CDH18: variants seen among roughly 807,000 people sequenced by gnomAD.
The protein encoded by CDH18 is cadherin 18, also known as cadherin-18.
A neutral mutation model predicts 67.9 loss-of-function variants in CDH18; 31 were observed. The observed-to-expected ratio is 0.46, with a 90% CI of 0.34 to 0.62. The LOEUF (loss-of-function observed/expected upper bound fraction) is 0.62, where lower values mean the gene tolerates loss of function less well. Ranked by LOEUF, CDH18 falls within the 20% of genes least tolerant of loss-of-function variation. CDH18 has a pLI of 0.01. For missense variants in CDH18, 890 were observed against 975.5 expected (o/e 0.91, Z 1.17); for synonymous variants, 362 against 347.2 (o/e 1.04, Z -0.48).
intron 11 of CDH18, among the ~76,000 whole-genome samples, chr5:19,493,435 C>T (rs1741793033): frequency 1.3e-5 from 2 of 151,946 alleles, no homozygotes; most frequent in South Asian, 4.1e-4. Context: ...GGCGTTCTTT[C>T]CAAGGAACAT....
At chr5:19,606,545 A>G (rs1053341323) in intron 6 of CDH18, among the ~76,000 whole-genome samples, 9 of 152,042 alleles carry the variant, frequency 5.9e-5, no homozygotes, top group Non-Finnish European at 8.8e-5. Context: ...AATATATTTA[A>G]TAGATGGGTT....
chr5:19,848,396 A>G (rs950688986), intron 2 of CDH18, among the ~76,000 whole-genome samples: 2 of 152,072 alleles, frequency 1.3e-5, no homozygotes, highest in Admixed American at 6.6e-5. Context: ...ACACTTTCCT[A>G]TCAGCTTAGA....
chr5:19,636,299 T>C (rs5001494), intron 5 of CDH18, among the ~76,000 whole-genome samples: 111,929 of 151,704 alleles, frequency 0.74, 41,537 homozygotes, highest in South Asian at 0.8. Flanking sequence ...TGCAAAGTGG[T>C]ATGGCTACCT....
chr5:20,266,262 G>GACTAAT (rs113509368), intron 1 of CDH18, among the ~76,000 whole-genome samples: 69,526 of 151,454 alleles, frequency 0.46, 16,037 homozygotes, highest in African/African-American at 0.52. Context: ...GAAGAACCCT[G>GACTAAT]ACACTAGAGA....
At chr5:20,323,389 T>C (rs1738222276) in intron 1 of CDH18, among the ~76,000 whole-genome samples, 1 of 152,174 alleles carries the variant, frequency 6.6e-6, no homozygotes, top group Non-Finnish European at 1.5e-5. Context: ...GTGACTGACA[T>C]AGCATTTGCC....
chr5:20,169,356 CT>C (rs1327677491), intron 2 of CDH18, among the ~76,000 whole-genome samples: 1 of 152,232 alleles, frequency 6.6e-6, no homozygotes, highest in East Asian at 1.9e-4. Flanking sequence ...TTTCTAAATT[CT>C]TTTGGTAGCA....
chr5:19,616,334 C>T (rs944529597), intron 5 of CDH18, among the ~76,000 whole-genome samples: 8 of 151,410 alleles, frequency 5.3e-5, no homozygotes, highest in South Asian at 2.1e-4. Context: ...ATTTTATGCA[C>T]GAAGCTACAT....
chr5:19,823,254 G>T (rs571804274), intron 3 of CDH18, among the ~76,000 whole-genome samples: 62 of 152,242 alleles, frequency 4.1e-4, no homozygotes, highest in South Asian at 8.3e-4. Context: ...ATCCTCCTCA[G>T]CTTACAAAAA....
intron 1 of CDH18, among the ~76,000 whole-genome samples, chr5:20,393,557 C>T (rs999153883): frequency 2.6e-5 from 4 of 151,854 alleles, no homozygotes; most frequent in African/African-American, 9.7e-5. Flanking sequence ...ATCTACAATA[C>T]AGTGTTAAGG....
intron 2 of CDH18, among the ~76,000 whole-genome samples, chr5:20,242,627 T>TAC (rs1561906021): frequency 1.3e-4 from 15 of 119,882 alleles, no homozygotes; most frequent in African/African-American, 3.8e-4. Flanking sequence ...TATATATATA[T>TAC]ATATATGTAT....
chr5:19,499,637 T>C (rs1474083126), intron 11 of CDH18, among the ~76,000 whole-genome samples: 3 of 152,152 alleles, frequency 2.0e-5, no homozygotes, highest in African/African-American at 7.2e-5. Flanking sequence ...AATATGTTAT[T>C]AATTTATTTC....
chr5:19,548,148 T>C (rs908737737), intron 8 of CDH18, among the ~76,000 whole-genome samples: 1 of 152,120 alleles, frequency 6.6e-6, no homozygotes, highest in Non-Finnish European at 1.5e-5. Flanking sequence ...CAATACTTTA[T>C]GAATGTATAT....
rs965197656 is a variant in CDH18, at chr5:19,965,345, C to T, written c.-257+15715G>A. 4.6e-5 allele frequency among the ~76,000 whole-genome samples: 7 copies of T among 152,216 alleles called. No homozygotes were observed. In the South Asian group the frequency reaches 1.5e-3, roughly 32 times the overall value. ...ATATGTAGGAATATAATGGGACCTA[C>T]ATAGAGTGGATTTTCTCCACAATTC... On this transcript the variant is annotated intron_variant, in intron 2 of 12. Transcript: ENST00000382275.
chr5:20,326,650 T>C (rs1266024671), intron 1 of CDH18, among the ~76,000 whole-genome samples: 2 of 151,688 alleles, frequency 1.3e-5, no homozygotes, highest in African/African-American at 4.8e-5. Context: ...GCCATTCTCC[T>C]GCCTCAGCTT....
intron 4 of CDH18, among the ~76,000 whole-genome samples, chr5:19,735,265 T>C (rs1768150362): frequency 6.6e-6 from 1 of 152,106 alleles, no homozygotes; most frequent in South Asian, 2.1e-4. Flanking sequence ...TCACATGGAA[T>C]CTGATCCCAG....
chr5:20,390,160 T>C (rs1251245787), intron 1 of CDH18, among the ~76,000 whole-genome samples: 3 of 149,312 alleles, frequency 2.0e-5, no homozygotes, highest in South Asian at 2.1e-4. Flanking sequence ...AACTAAAGAG[T>C]TTCTGCACAG....
chr5:20,371,089 A>G (rs1380315570), intron 1 of CDH18, among the ~76,000 whole-genome samples: 1 of 151,972 alleles, frequency 6.6e-6, no homozygotes, highest in Non-Finnish European at 1.5e-5. Flanking sequence ...AGTTGTCAAC[A>G]TGAAAGTGAA....
chr5:19,508,638 G>A (rs1200222554), intron 10 of CDH18, among the ~76,000 whole-genome samples: 1 of 151,934 alleles, frequency 6.6e-6, no homozygotes, highest in African/African-American at 2.4e-5. Flanking sequence ...TCTACAAATA[G>A]ATGTATCCAC....
intron 1 of CDH18, among the ~76,000 whole-genome samples, chr5:20,573,577 A>G (rs531101716): frequency 6.6e-6 from 1 of 151,546 alleles, no homozygotes; most frequent in Non-Finnish European, 1.5e-5. Flanking sequence ...AATTATTAAA[A>G]TACAATTTTG....
Sources: gnomAD v4.1 joint callset for allele counts (sites outside exome capture counted in the v4.1 genomes callset) on GRCh38, gnomAD v4.1.1 for gene constraint, MANE v1.5 for transcripts, NCBI Gene and HGNC (gene_info 2026-07-23, HGNC 2026-07-21) for gene names.